GPR149: variants seen among roughly 807,000 people sequenced by gnomAD.
GPR149 encodes G protein-coupled receptor 149.
GPR149 carries 50 observed loss-of-function variants against 50.2 expected under a neutral mutation model. The ratio of observed to expected loss-of-function variants is 1.00; its 90% CI spans 0.79 to 1.26. The LOEUF (loss-of-function observed/expected upper bound fraction) is 1.26. Among genes scored for constraint, GPR149 ranks in the 50% most tolerant of loss-of-function variants. The pLI is 0.00. For synonymous variants in GPR149, 405 were observed against 358.2 expected, an observed-to-expected ratio of 1.13 and a Z score of -1.48; for missense variants, 983 against 895.4, an observed-to-expected ratio of 1.10 and a Z score of -1.25.
Position 154,427,578 on chromosome 3 carries a change from G to A in GPR149, c.1112C>T (p.Pro371Leu). The change falls in exon 2 of 4, where the codon CCC becomes CTC. Residue 371 changes from proline (P) to leucine (L), a missense_variant. Physicochemically the swap from Pro to Leu is moderately conservative, Grantham distance 98. Transcript: ENST00000389740. ...FVLSKRWTHL[P>L]CGCIINCRQN... is the part of the protein sequence containing the mutation. ...CCTGCAGTTGATGATGCAGCCACAG[G>A]GCAAGTGGGTCCAGCGTTTGGACAA... 3 of 1,614,086 alleles carry A rather than the reference G, an allele frequency of 1.9e-6. No homozygotes were observed. In the South Asian group the frequency reaches 3.3e-5, roughly 18 times the overall value.
At chr3:154,354,701 G>C in intron 3 of GPR149, 3 of 494,910 alleles carry the variant, frequency 6.1e-6, no homozygotes, top group Non-Finnish European at 9.9e-6. Context: ...TACAAATTAG[G>C]TTCAATAAAT....
At chr3:154,360,566 G>A (rs1210614034) in intron 3 of GPR149, among the ~76,000 whole-genome samples, 1 of 152,180 alleles carries the variant, frequency 6.6e-6, no homozygotes, top group Non-Finnish European at 1.5e-5. Context: ...ATAAGTGGTA[G>A]AACTGGAATT....
chr3:154,374,019 C>A (rs1380760359), intron 3 of GPR149, among the ~76,000 whole-genome samples: 2 of 151,972 alleles, frequency 1.3e-5, no homozygotes, highest in African/African-American at 4.8e-5. Flanking sequence ...ACAAAAACAG[C>A]CACAGAAAAT....
chr3:154,402,362 G>A (rs1711567158), intron 3 of GPR149, among the ~76,000 whole-genome samples: 1 of 151,662 alleles, frequency 6.6e-6, no homozygotes, highest in African/African-American at 2.4e-5. Context: ...GCTATGGTGA[G>A]CTATGATCAT....
chr3:154,397,365 T>C (rs900414982), intron 3 of GPR149, among the ~76,000 whole-genome samples: 12 of 152,188 alleles, frequency 7.9e-5, no homozygotes, highest in African/African-American at 4.8e-5. Context: ...TTTGAATGCA[T>C]TTTATGCTGT....
At position 154,429,592 on chromosome 3, in the gene GPR149, T is replaced by C. The variant is rs1211387114; in HGVS notation, c.24A>G (p.Leu8=). 1 of 1,612,886 alleles carries C rather than the reference T, an allele frequency of 6.2e-7. No homozygotes were observed. The highest frequency in any genetic ancestry group is 8.5e-7 in the Non-Finnish European group (1 of 1,179,166). MSLFLSN[L]STNDSSLWKE... is the part of the protein sequence containing the mutation. ...TCCACAGGCTAGAGTCATTTGTTGA[T>C]AAGTTACTGAGAAATAAAGACATTG... The change falls in exon 1 of 4, where the codon TTA becomes TTG. Residue 8 remains leucine, a synonymous_variant. Transcript: ENST00000389740.
At chr3:154,425,828 C>T (rs1223280749) in intron 2 of GPR149, among the ~76,000 whole-genome samples, 1 of 152,138 alleles carries the variant, frequency 6.6e-6, no homozygotes, top group East Asian at 1.9e-4. Context: ...CTGTGCAGTA[C>T]AGAAAGTAGA....
At chr3:154,406,211 C>G (rs1711681743) in intron 3 of GPR149, among the ~76,000 whole-genome samples, 1 of 152,040 alleles carries the variant, frequency 6.6e-6, no homozygotes, top group Admixed American at 6.6e-5. Flanking sequence ...TAAAACAACC[C>G]TGAGAAATCA....
intron 3 of GPR149, among the ~76,000 whole-genome samples, chr3:154,409,606 G>T (rs1711781914): frequency 6.6e-6 from 1 of 151,940 alleles, no homozygotes; most frequent in Non-Finnish European, 1.5e-5. Context: ...CTCAGCAATA[G>T]AATTGAACAA....
intron 3 of GPR149, among the ~76,000 whole-genome samples, chr3:154,354,985 C>T (rs995013770): frequency 2.6e-5 from 4 of 152,054 alleles, no homozygotes; most frequent in Non-Finnish European, 4.4e-5. Flanking sequence ...ATGGCCAAAA[C>T]GTAAGCTTCT....
chr3:154,400,044 T>C (rs1485494229), intron 3 of GPR149, among the ~76,000 whole-genome samples: 2 of 152,188 alleles, frequency 1.3e-5, no homozygotes, highest in Non-Finnish European at 2.9e-5. Flanking sequence ...TGGAGTGCGG[T>C]GGCGCGATCT....
rs143226612 is a variant in GPR149 at position 154,385,923 on chromosome 3, G to C, written c.1623+35116C>G. On this transcript the variant is annotated intron_variant, in intron 3 of 3. Transcript: ENST00000389740. The stretch of plus-strand genomic sequence containing the variant: ...TCACCCTGTTAGCCAGGATGGTCTC[G>C]ATCTTCTGACCTCGTGATCTGCCTG... 3.2e-4 allele frequency among the ~76,000 whole-genome samples: 48 copies of C among 151,972 alleles called. No individual in the cohort carries two copies. In the East Asian group the frequency reaches 7.0e-3, roughly 22 times the overall value.
At chr3:154,395,305 C>T (rs1576920349) in intron 3 of GPR149, among the ~76,000 whole-genome samples, 1 of 151,642 alleles carries the variant, frequency 6.6e-6, no homozygotes, top group Admixed American at 6.6e-5. Context: ...ATTTCTAGAG[C>T]AAGACTAAAA....
intron 3 of GPR149, among the ~76,000 whole-genome samples, chr3:154,374,154 C>CTTTCTTTT (rs1559978265): frequency 8.7e-5 from 1 of 11,554 alleles, no homozygotes; most frequent in African/African-American, 4.7e-4. Context: ...TTCTTTCTTT[C>CTTTCTTTT]TTTTCTTTTC....
At chr3:154,376,069 C>T (rs1714786603) in intron 3 of GPR149, among the ~76,000 whole-genome samples, 1 of 152,204 alleles carries the variant, frequency 6.6e-6, no homozygotes, top group East Asian at 1.9e-4. Flanking sequence ...TGTGGGACTT[C>T]TCAGCCTCCA....
At chr3:154,411,719 C>A (rs1459730115) in intron 3 of GPR149, among the ~76,000 whole-genome samples, 1 of 151,916 alleles carries the variant, frequency 6.6e-6, no homozygotes, top group East Asian at 1.9e-4. Context: ...AATTTGCCAA[C>A]CAAAAAAAGT....
intron 3 of GPR149, among the ~76,000 whole-genome samples, chr3:154,396,524 A>G (rs1715297804): frequency 6.6e-6 from 1 of 152,128 alleles, no homozygotes; most frequent in Admixed American, 6.5e-5. Flanking sequence ...GTAGGGTGTC[A>G]TTTTTAGACA....
chr3:154,408,263 A>G (rs1711748243), intron 3 of GPR149, among the ~76,000 whole-genome samples: 1 of 152,220 alleles, frequency 6.6e-6, no homozygotes, highest in Non-Finnish European at 1.5e-5. Flanking sequence ...GTGGAGACTC[A>G]CATCATGAAC....
chr3:154,346,363 C>T (rs1713925381), intron 3 of GPR149, among the ~76,000 whole-genome samples: 2 of 152,178 alleles, frequency 1.3e-5, no homozygotes, highest in Admixed American at 6.5e-5. Context: ...ACTGTTTTCA[C>T]ATATTCAACT....
Sources: gnomAD v4.1 joint callset for allele counts (sites outside exome capture counted in the v4.1 genomes callset) on GRCh38, gnomAD v4.1.1 for gene constraint, MANE v1.5 for transcripts, NCBI Gene and HGNC (gene_info 2026-07-23, HGNC 2026-07-21) for gene names.